Variants in GRID2 observed in about 807,000 individuals in gnomAD.
GRID2 encodes the protein glutamate receptor ionotropic, delta-2.
In GRID2, 33 loss-of-function variants were observed where a neutral mutation model predicts 114.8. That is an observed-to-expected ratio of 0.29 (90% CI 0.22 to 0.38). The LOEUF is 0.38. Ranked by LOEUF, GRID2 falls within the 10% of genes least tolerant of loss-of-function variation. The pLI is 1.00. For missense variants in GRID2, 1,184 were observed against 1,257.7 expected (o/e 0.94, Z 0.89); for synonymous variants, 505 against 449.9 (o/e 1.12, Z -1.55).
intron 14 of GRID2, among the ~76,000 whole-genome samples, chr4:93,737,040 T>C (rs1352351596): frequency 6.6e-6 from 1 of 152,014 alleles, no homozygotes; most frequent in African/African-American, 2.4e-5. Flanking sequence ...TTTGTATCCT[T>C]AGGCACATTC....
chr4:92,454,857 G>A (rs1046232329), intron 1 of GRID2, among the ~76,000 whole-genome samples: 1 of 151,956 alleles, frequency 6.6e-6, no homozygotes, highest in East Asian at 1.9e-4. Flanking sequence ...AGAAAAATCT[G>A]CACCCCTGCA....
At chr4:93,192,696 A>G (rs2149449101) in intron 4 of GRID2, among the ~76,000 whole-genome samples, 1 of 151,198 alleles carries the variant, frequency 6.6e-6, no homozygotes, top group East Asian at 1.9e-4. Context: ...GCAGTGAGCC[A>G]AGACTGTGCC....
At chr4:92,443,645 G>A (rs186913376) in intron 1 of GRID2, among the ~76,000 whole-genome samples, 116 of 152,246 alleles carry the variant, frequency 7.6e-4, no homozygotes, top group African/African-American at 2.7e-3. Context: ...GCCGCTAAGA[G>A]TGAAGGAGAA....
chr4:93,330,561 TATAA>T (rs1322053360), intron 8 of GRID2, among the ~76,000 whole-genome samples: 1 of 152,176 alleles, frequency 6.6e-6, no homozygotes, highest in Non-Finnish European at 1.5e-5. Flanking sequence ...GCCAGCTTAT[TATAA>T]ATATCAAATA....
chr4:93,660,396 T>C (rs888865544), intron 14 of GRID2, among the ~76,000 whole-genome samples: 3 of 152,156 alleles, frequency 2.0e-5, no homozygotes, highest in Non-Finnish European at 2.9e-5. Flanking sequence ...TTTTTTATAA[T>C]TTCATAATGA....
chr4:93,742,531 A>C (rs756611595), intron 14 of GRID2, among the ~76,000 whole-genome samples: 17 of 152,234 alleles, frequency 1.1e-4, no homozygotes, highest in Non-Finnish European at 2.1e-4. Flanking sequence ...CTGCAAGTCT[A>C]TCAGAGCCAT....
chr4:92,726,448 G>C (rs1400776042), intron 2 of GRID2, among the ~76,000 whole-genome samples: 1 of 152,024 alleles, frequency 6.6e-6, no homozygotes, highest in Non-Finnish European at 1.5e-5. Context: ...ACTTTGTTAT[G>C]TGGTGCACCA....
At chr4:93,018,543 A>G (rs1366814362) in intron 2 of GRID2, among the ~76,000 whole-genome samples, 1 of 152,158 alleles carries the variant, frequency 6.6e-6, no homozygotes, top group Non-Finnish European at 1.5e-5. Flanking sequence ...TGAGAGATCA[A>G]TTCCATTTTA....
intron 2 of GRID2, among the ~76,000 whole-genome samples, chr4:92,840,086 T>G (rs1198046122): frequency 1.3e-5 from 2 of 152,124 alleles, no homozygotes; most frequent in Non-Finnish European, 2.9e-5. Context: ...CTTCTTTGTC[T>G]CTTCTTATAG....
At chr4:92,654,888 G>T (rs779842042) in intron 2 of GRID2, among the ~76,000 whole-genome samples, 2 of 151,968 alleles carry the variant, frequency 1.3e-5, no homozygotes, top group Non-Finnish European at 2.9e-5. Context: ...TTGCTTTGAA[G>T]AAGCTTTTTA....
intron 13 of GRID2, among the ~76,000 whole-genome samples, chr4:93,590,669 G>T (rs1261685575): frequency 6.6e-6 from 1 of 152,126 alleles, no homozygotes; most frequent in Non-Finnish European, 1.5e-5. Flanking sequence ...TCACGATATT[G>T]ATTCTTCCTA....
At chr4:93,728,504 G>C (rs1285318062) in intron 14 of GRID2, among the ~76,000 whole-genome samples, 2 of 152,120 alleles carry the variant, frequency 1.3e-5, no homozygotes, top group African/African-American at 4.8e-5. Context: ...TATTAGGTCT[G>C]CTTGGTGCAG....
intron 2 of GRID2, among the ~76,000 whole-genome samples, chr4:92,593,446 C>G (rs1728801853): frequency 6.6e-6 from 1 of 151,902 alleles, no homozygotes; most frequent in Non-Finnish European, 1.5e-5. Flanking sequence ...AACCCATAAA[C>G]AGTAATAAAG....
intron 1 of GRID2, among the ~76,000 whole-genome samples, chr4:92,427,926 T>G (rs1033105790): frequency 6.6e-6 from 1 of 152,152 alleles, no homozygotes; most frequent in African/African-American, 2.4e-5. Flanking sequence ...TCTTTGGAGA[T>G]TAGAATTATT....
At chr4:92,352,485 T>C (rs1728116459) in intron 1 of GRID2, among the ~76,000 whole-genome samples, 1 of 151,904 alleles carries the variant, frequency 6.6e-6, no homozygotes, top group South Asian at 2.1e-4. Context: ...ACTTCGTTGA[T>C]TGTTACGTTT....
chr4:93,652,803 A>G (rs1261352714), intron 14 of GRID2, among the ~76,000 whole-genome samples: 4 of 121,208 alleles, frequency 3.3e-5, no homozygotes, highest in Admixed American at 8.2e-5. Flanking sequence ...AAAAAAAAAA[A>G]AAAAAAAAAT....
intron 14 of GRID2, among the ~76,000 whole-genome samples, chr4:93,629,488 T>A (rs2149695583): frequency 6.6e-6 from 1 of 152,322 alleles, no homozygotes; most frequent in Non-Finnish European, 1.5e-5. Flanking sequence ...TATTTGCATT[T>A]GTTCCATTTT....
chr4:92,754,000 CT>C (rs1202614773), intron 2 of GRID2, among the ~76,000 whole-genome samples: 1 of 152,144 alleles, frequency 6.6e-6, no homozygotes, highest in Non-Finnish European at 1.5e-5. Context: ...AGTATTTGTT[CT>C]CCATCATTTC....
intron 11 of GRID2, among the ~76,000 whole-genome samples, chr4:93,485,756 A>G (rs922805440): frequency 2.0e-5 from 3 of 151,714 alleles, no homozygotes; most frequent in Non-Finnish European, 3.0e-5. Flanking sequence ...TGTCTTAATT[A>G]CTATATTAAT....
Sources: gnomAD v4.1 joint callset for allele counts (sites outside exome capture counted in the v4.1 genomes callset) on GRCh38, gnomAD v4.1.1 for gene constraint, MANE v1.5 for transcripts, NCBI Gene and HGNC (gene_info 2026-07-23, HGNC 2026-07-21) for gene names.